The following STK33 variants were observed in gnomAD, a reference collection of about 807,000 sequenced individuals.
STK33 encodes serine/threonine kinase 33.
STK33 carries 52 observed loss-of-function variants against 58.0 expected under a neutral mutation model. The ratio of observed to expected loss-of-function variants is 0.90; its 90% CI spans 0.72 to 1.13. STK33 has a LOEUF of 1.13. Among genes scored for constraint, STK33 ranks in the 50% most tolerant of loss-of-function variants. The pLI is 0.00. For missense variants in STK33, 630 were observed against 604.2 expected (o/e 1.04, Z -0.45); for synonymous variants, 215 against 200.1 (o/e 1.07, Z -0.63).
intron 1 of STK33, among the ~76,000 whole-genome samples, chr11:8,571,207 A>G (rs1240910879): frequency 6.6e-6 from 1 of 152,212 alleles, no homozygotes; most frequent in African/African-American, 2.4e-5. Context: ...AGGAGCATGC[A>G]CATGAGTCTC....
chr11:8,368,773 CAAAAT>C, the STK33 span, among the ~76,000 whole-genome samples: 7 of 151,880 alleles, frequency 4.6e-5, no homozygotes, highest in African/African-American at 1.7e-4. Context: ...TCTCAGGATC[CAAAAT>C]AACTTACCGC....
At chr11:8,590,457 T>A (rs2032420929) in intron 1 of STK33, among the ~76,000 whole-genome samples, 2 of 152,140 alleles carry the variant, frequency 1.3e-5, no homozygotes, top group South Asian at 4.1e-4. Context: ...TAAGTGAACT[T>A]ATCTTTATCA....
At chr11:8,379,371 GA>G in the STK33 span, among the ~76,000 whole-genome samples, 2 of 152,236 alleles carry the variant, frequency 1.3e-5, no homozygotes, top group African/African-American at 4.8e-5. Flanking sequence ...CACAGAAGGG[GA>G]GAAAATATTA....
At chr11:8,338,817 A>G in the STK33 span, among the ~76,000 whole-genome samples, 1 of 151,928 alleles carries the variant, frequency 6.6e-6, no homozygotes, top group Non-Finnish European at 1.5e-5. Context: ...CTCTCTCTCA[A>G]TGGGCCAAAT....
chr11:8,562,382 T>C (rs761684861), intron 1 of STK33, among the ~76,000 whole-genome samples: 36 of 152,264 alleles, frequency 2.4e-4, no homozygotes, highest in African/African-American at 8.2e-4. Flanking sequence ...TTTTGAGATA[T>C]TGCACTGGCT....
At chr11:8,562,795 T>C (rs1370732416) in intron 1 of STK33, among the ~76,000 whole-genome samples, 1 of 152,188 alleles carries the variant, frequency 6.6e-6, no homozygotes, top group Non-Finnish European at 1.5e-5. Context: ...GCATAGGATA[T>C]TAACTATCTG....
chr11:8,440,788 A>C, intron 11 of STK33, 35 bp from the exon 12 acceptor site: 1 of 1,521,894 alleles, frequency 6.6e-7, no homozygotes, highest in Non-Finnish European at 8.9e-7. Context: ...AACATTAATA[A>C]TACAATAAAT....
At chr11:8,496,476 G>A (rs1951064797) in intron 1 of STK33, among the ~76,000 whole-genome samples, 1 of 152,052 alleles carries the variant, frequency 6.6e-6, no homozygotes, top group African/African-American at 2.4e-5. Flanking sequence ...AATTTAATGT[G>A]TTTAAGGAAT....
At chr11:8,461,370 T>C (rs545154016) in intron 8 of STK33, among the ~76,000 whole-genome samples, 27 of 152,254 alleles carry the variant, frequency 1.8e-4, no homozygotes, top group Middle Eastern at 3.4e-3. Context: ...CAGTAAGACA[T>C]AGATGAAAAA....
intron 1 of STK33, among the ~76,000 whole-genome samples, chr11:8,509,116 C>CA (rs1161851155): frequency 0.17 from 7,386 of 44,036 alleles, 501 homozygotes; most frequent in Non-Finnish European, 0.18. Flanking sequence ...AACTCTGTCT[C>CA]AAAAAAAAAA....
chr11:8,394,375 C>G (rs1298218741), intron 15 of STK33, among the ~76,000 whole-genome samples: 1 of 152,208 alleles, frequency 6.6e-6, no homozygotes, highest in East Asian at 1.9e-4. Flanking sequence ...AAAGGTGAAT[C>G]TAAGTGTAAC....
At chr11:8,491,058 G>C (rs879492515) in intron 1 of STK33, among the ~76,000 whole-genome samples, 2 of 152,112 alleles carry the variant, frequency 1.3e-5, no homozygotes, top group Admixed American at 1.3e-4. Flanking sequence ...GCAGCTCCTC[G>C]CCAGTAACAG....
intron 15 of STK33, among the ~76,000 whole-genome samples, chr11:8,401,754 G>T (rs1938021777): frequency 6.6e-6 from 1 of 152,120 alleles, no homozygotes; most frequent in Non-Finnish European, 1.5e-5. Flanking sequence ...AATCTATAAT[G>T]AATTCAAACA....
intron 1 of STK33, among the ~76,000 whole-genome samples, chr11:8,487,806 T>G (rs927787791): frequency 6.6e-6 from 1 of 151,976 alleles, no homozygotes; most frequent in Non-Finnish European, 1.5e-5. Flanking sequence ...ACAAAAGCAA[T>G]GAAAAAATGG....
intron 1 of STK33, among the ~76,000 whole-genome samples, chr11:8,482,754 G>C (rs1301375323): frequency 6.6e-6 from 1 of 151,458 alleles, no homozygotes; most frequent in African/African-American, 2.4e-5. Context: ...TTTTGAGACA[G>C]AGTCTCGATC....
intron 14 of STK33, among the ~76,000 whole-genome samples, chr11:8,434,544 AG>A (rs1943829041): frequency 6.6e-6 from 1 of 152,234 alleles, no homozygotes; most frequent in South Asian, 2.1e-4. Context: ...TATATCGTAA[AG>A]ATGACAGAAG....
chr11:8,539,450 C>T (rs904667932), intron 1 of STK33, among the ~76,000 whole-genome samples: 7 of 151,966 alleles, frequency 4.6e-5, no homozygotes, highest in African/African-American at 1.7e-4. Flanking sequence ...GCCAGCTGGC[C>T]AATATGAAGA....
At chr11:8,379,618 CT>C in the STK33 span, among the ~76,000 whole-genome samples, 45 of 152,234 alleles carry the variant, frequency 3.0e-4, no homozygotes, top group African/African-American at 1.1e-3. Flanking sequence ...GAAGAATGCC[CT>C]TTTTTTAAAA....
At chr11:8,548,145 A>AT (rs1956071997) in intron 1 of STK33, among the ~76,000 whole-genome samples, 5 of 151,350 alleles carry the variant, frequency 3.3e-5, no homozygotes, top group Non-Finnish European at 7.4e-5. Flanking sequence ...CATGTACCCT[A>AT]GAACTTAAAG....
Sources: allele counts gnomAD v4.1 joint callset (sites outside exome capture counted in the v4.1 genomes callset), GRCh38; gene constraint gnomAD v4.1.1; transcripts MANE v1.5; gene names NCBI Gene and HGNC (gene_info 2026-07-23, HGNC 2026-07-21).